FUT4: variants seen among roughly 807,000 people sequenced by gnomAD.
FUT4 encodes the protein fucosyltransferase 4.
In FUT4, 1 loss-of-function variant was observed where a neutral mutation model predicts 3.8. The observed-to-expected ratio is 0.26, with a 90% CI of 0.09 to 1.25. FUT4 has a LOEUF of 1.25. FUT4 is among the 50% of genes most tolerant of loss of function. The pLI, the probability that FUT4 is intolerant of heterozygous loss-of-function variation, is 0.47. For synonymous variants in FUT4, 417 were observed against 355.3 expected, an observed-to-expected ratio of 1.17 and a Z score of -1.95; for missense variants, 880 against 768.2, an observed-to-expected ratio of 1.15 and a Z score of -1.72.
At position 94,545,348 on chromosome 11, in the gene FUT4, C is replaced by T. The variant is rs1947848347; in HGVS notation, c.1215C>T (p.Ala405=). The change falls in exon 1 of 1, where the codon GCC becomes GCT. Residue 405 remains alanine, a synonymous_variant. Coordinates refer to ENST00000358752, the MANE Select transcript of FUT4 (RefSeq NM_002033.4). ...AAATTGGGCTCCTGCACACAGTGGCCCGCTACAAGTTCTACCTGGCTTTCG... is the reference window on the plus strand; with the variant it reads ...AAATTGGGCTCCTGCACACAGTGGCTCGCTACAAGTTCTACCTGGCTTTCG... ...VPEIGLLHTV[A]RYKFYLAFEN... 6.2e-7 allele frequency: 1 copy of T among 1,612,788 alleles called. No homozygotes were observed. The highest frequency in any genetic ancestry group is 1.7e-5 in the Admixed American group (1 of 59,972).
In FUT4 at chr11:94,546,455, C is replaced by T. The variant is rs981227650; in HGVS notation, c.*729C>T. On this transcript the variant is annotated 3_prime_UTR_variant, in exon 1 of 1. Transcript: ENST00000358752. ...TTAAATCAAGTCCCAAATTCATTGACTTAGGGGAGTTCAGTATTTAATGAA... is the reference window on the plus strand; with the variant it reads ...TTAAATCAAGTCCCAAATTCATTGATTTAGGGGAGTTCAGTATTTAATGAA... 5.9e-6 allele frequency: 1 copy of T among 170,612 alleles called. No individual in the cohort carries two copies. Among genetic ancestry groups the T allele is most frequent in the Non-Finnish European group, 1.4e-5 (1 of 70,144 alleles). The allele number at this position is 170,612 out of a possible 1,614,324, so 10.6% of individuals were successfully genotyped here.
chr11:94,544,886 G>A lies in FUT4; in HGVS notation c.753G>A (p.Pro251=), dbSNP rs1236056798. 4.4e-6 allele frequency: 7 copies of A among 1,607,654 alleles called. No homozygotes were observed. The highest frequency in any genetic ancestry group is 1.7e-5 in the Admixed American group (1 of 59,852). ...DLVKGPPDWP[P]PWGIQAHTAE... Reference sequence around the variant, plus strand: ...TGAAGGGGCCCCCCGACTGGCCCCCGCCCTGGGGCATCCAGGCGCACACTG... The same window carrying A: ...TGAAGGGGCCCCCCGACTGGCCCCCACCCTGGGGCATCCAGGCGCACACTG... Residue 251 remains proline, a synonymous_variant, in exon 1 of 1, where the codon CCG becomes CCA. Coordinates refer to ENST00000358752, the MANE Select transcript of FUT4 (RefSeq NM_002033.4).
chr11:94,544,413 C>A lies in FUT4; in HGVS notation c.280C>A (p.Arg94=). 6.5e-7 allele frequency: 1 copy of A among 1,527,186 alleles called. No homozygotes were observed. Among genetic ancestry groups the A allele is most frequent in the Non-Finnish European group, 8.7e-7 (1 of 1,145,124 alleles). 94.6% of individuals were successfully genotyped at this position (1,527,186 alleles called of 1,614,324 possible). Residue 94 remains arginine, a synonymous_variant, in exon 1 of 1, where the codon CGA becomes AGA. Transcript: ENST00000358752. ...TTCCCGGGCCAGCGGCGAGCGGCAG[C>A]GACGGCTGGAGCCGCAGCTACAGCA... ...FHSRASGERQ[R]RLEPQLQHES...
In FUT4 at chr11:94,544,393, G is replaced by T; in HGVS notation, c.260G>T (p.Arg87Leu). ...LHSGTAPFHS[R>L]ASGERQRRLE... ...TCTGGGACCGCCCCCTTCCATTCCC[G>T]GGCCAGCGGCGAGCGGCAGCGACGG... The change falls in exon 1 of 1, where the codon CGG becomes CTG. Residue 87 changes from arginine to leucine, a missense_variant. By Grantham distance (102) the Arg-to-Leu change is moderately radical (BLOSUM62 -2). This residue lies in a region of FUT4 where 447 missense variants were observed against 339.5 expected (regional missense o/e 1.32). Coordinates refer to ENST00000358752, the MANE Select transcript of FUT4 (RefSeq NM_002033.4). 1 of 1,537,036 alleles carries T rather than the reference G, an allele frequency of 6.5e-7. No individual in the cohort carries two copies. Among genetic ancestry groups the T allele is most frequent in the Non-Finnish European group, 8.7e-7 (1 of 1,149,794 alleles).
chr11:94,546,510 G>A lies in FUT4; in HGVS notation c.*784G>A, dbSNP rs2135200039. On this transcript the variant is annotated 3_prime_UTR_variant, in exon 1 of 1. Transcript: ENST00000358752. The stretch of plus-strand genomic sequence containing the variant: ...TATGGAGAATTTATCCCTTTACAAT[G>A]TGAATAGTCATCTCCTAATTTGTTT... The A allele has an allele frequency of 6.0e-6, 1 of 167,280 alleles. No homozygotes were observed. Among genetic ancestry groups the A allele is most frequent in the East Asian group, 1.9e-4 (1 of 5,184 alleles). The allele number at this position is 167,280 out of a possible 1,614,324, so 10.4% of individuals were successfully genotyped here. A position where few individuals can be genotyped will look rare whatever the true frequency, so the allele number is the denominator to read the frequency against.
Position 94,545,942 on chromosome 11 carries a change from T to G in FUT4, c.*216T>G, listed in dbSNP as rs1947857325. 2.8e-6 allele frequency: 2 copies of G among 709,908 alleles called. No individual in the cohort carries two copies. Among genetic ancestry groups the G allele is most frequent in the East Asian group, 5.5e-5 (2 of 36,082 alleles). 44.0% of individuals were successfully genotyped at this position (709,908 alleles called of 1,614,324 possible). A position where few individuals can be genotyped will look rare whatever the true frequency, so the allele number is the denominator to read the frequency against. The stretch of plus-strand genomic sequence containing the variant: ...TTGCACAGCTAGCAATTGGGCTCCC[T>G]TTGCTGCTGATGGGCATCATTGTTT... On this transcript the variant is annotated 3_prime_UTR_variant, in exon 1 of 1. Transcript: ENST00000358752.
chr11:94,545,227 A>G lies in FUT4; in HGVS notation c.1094A>G (p.Asp365Gly). ...GTGGCATGGGTGGTGAGCCACTGGG[A>G]CGAGCGCCAGGCCCGGGTCCGCTAC... ...GLVAWVVSHW[D>G]ERQARVRYYH... The change falls in exon 1 of 1, where the codon GAC (aspartate) becomes GGC (glycine). Residue 365 changes from aspartate to glycine, a missense_variant. Coordinates refer to ENST00000358752, the MANE Select transcript of FUT4 (RefSeq NM_002033.4). 6.2e-7 allele frequency: 1 copy of G among 1,610,910 alleles called. No homozygotes were observed. The highest frequency in any genetic ancestry group is 8.5e-7 in the Non-Finnish European group (1 of 1,179,804).
Position 94,545,306 on chromosome 11 carries a change from G to A in FUT4, c.1173G>A (p.Pro391=), listed in dbSNP as rs745355442. 8.7e-6 allele frequency: 14 copies of A among 1,611,990 alleles called. No individual in the cohort carries two copies. Among genetic ancestry groups the A allele is most frequent in the Middle Eastern group, 1.6e-4 (1 of 6,082 alleles). ...TGGACGTGTTCGGCCGGGGCGGGCCGGGGCAGCCGGTGCCCGAAATTGGGC... is the reference window on the plus strand; with the variant it reads ...TGGACGTGTTCGGCCGGGGCGGGCCAGGGCAGCCGGTGCCCGAAATTGGGC... ...VTVDVFGRGG[P]GQPVPEIGLL... The change falls in exon 1 of 1, where the codon CCG becomes CCA. Residue 391 remains proline (P), a synonymous_variant. Coordinates refer to ENST00000358752, the MANE Select transcript of FUT4 (RefSeq NM_002033.4).
Position 94,544,868 on chromosome 11 carries a change from G to C in FUT4, c.735G>C (p.Gly245=). The change falls in exon 1 of 1, where the codon GGG becomes GGC. Residue 245 remains glycine, a synonymous_variant. Coordinates refer to ENST00000358752, the MANE Select transcript of FUT4 (RefSeq NM_002033.4). The part of the protein sequence containing the change: ...VLFHHRDLVK[G]PPDWPPPWGI... ...TCCACCACCGCGACCTCGTGAAGGG[G>C]CCCCCCGACTGGCCCCCGCCCTGGG... 1 of 1,608,634 alleles carries C rather than the reference G, an allele frequency of 6.2e-7. No individual in the cohort carries two copies. The highest frequency in any genetic ancestry group is 2.2e-5 in the East Asian group (1 of 44,820).
chr11:94,545,588 C>G lies in FUT4; in HGVS notation c.1455C>G (p.Tyr485Ter), dbSNP rs1184456498. 6.2e-7 allele frequency: 1 copy of G among 1,613,440 alleles called. No individual in the cohort carries two copies. Among genetic ancestry groups the G allele is most frequent in the African/African-American group, 1.3e-5 (1 of 74,944 alleles). The stretch of plus-strand genomic sequence containing the variant: ...GCAACCCCGCGGTCTATCGCCGCTA[C>G]TTCCACTGGCGCCGGAGCTACGCTG... Reference protein sequence around the residue: ...LDRNPAVYRRYFHWRRSYAVH... With the variant: ...LDRNPAVYRR Residue 485 changes from tyrosine to a stop codon, truncating the protein, a stop_gained, in exon 1 of 1, where the codon TAC becomes TAG. Coordinates refer to ENST00000358752, the MANE Select transcript of FUT4 (RefSeq NM_002033.4). LOFTEE classifies it high-confidence loss of function.
rs1947894387 is a variant in FUT4 at position 94,548,787 on chromosome 11, T to G, written c.*3061T>G. The G allele has an allele frequency of 6.0e-6, 1 of 167,082 alleles. No homozygotes were observed. The highest frequency in any genetic ancestry group is 1.5e-5 in the Non-Finnish European group (1 of 68,120). 10.3% of individuals were successfully genotyped at this position (167,082 alleles called of 1,614,324 possible). ...TCAAATTTATTACAAATTTAGTATT[T>G]TTAGTACTTGATGACTCTAATTACA... On this transcript the variant is annotated 3_prime_UTR_variant, in exon 1 of 1. Transcript: ENST00000358752.
In FUT4 at chr11:94,544,628, G is replaced by C. The variant is rs1436270543; in HGVS notation, c.495G>C (p.Ala165=). Reference sequence around the variant, plus strand: ...CGGCCGCCGGCTTGACGTGTACGGCGCTGATCACCTACGCTTGCTGGGGGC... The same window carrying C: ...CGGCCGCCGGCTTGACGTGTACGGCCCTGATCACCTACGCTTGCTGGGGGC... ...VLAAAGLTCT[A]LITYACWGQL... Residue 165 remains alanine, a synonymous_variant, in exon 1 of 1, where the codon GCG becomes GCC. Transcript: ENST00000358752. 6.6e-7 allele frequency: 1 copy of C among 1,504,814 alleles called. No homozygotes were observed. Among genetic ancestry groups the C allele is most frequent in the Non-Finnish European group, 8.8e-7 (1 of 1,139,784 alleles). The allele number at this position is 1,504,814 out of a possible 1,614,324, so 93.2% of individuals were successfully genotyped here. A position where few individuals can be genotyped will look rare whatever the true frequency, so the allele number is the denominator to read the frequency against.
rs1356806341 is a variant in FUT4, at chr11:94,546,222, TTTG to T, written c.*502_*504del. 1 of 305,670 alleles carries T rather than the reference TTTG, an allele frequency of 3.3e-6. No homozygotes were observed. The highest frequency in any genetic ancestry group is 6.7e-6 in the Non-Finnish European group (1 of 148,216). 18.9% of individuals were successfully genotyped at this position (305,670 alleles called of 1,614,324 possible). A position where few individuals can be genotyped will look rare whatever the true frequency, so the allele number is the denominator to read the frequency against. On this transcript the variant is annotated 3_prime_UTR_variant, in exon 1 of 1. Transcript: ENST00000358752. ...GAAGGACTGTGGCTGCAGGTGGGAC[TTTG>T]TTGTTTGGATTCCTCACAGCCTTGG...
At position 94,544,440 on chromosome 11, in the gene FUT4, G is replaced by A. The variant is rs1388969224; in HGVS notation, c.307G>A (p.Glu103Lys). Residue 103 changes from glutamate (E) to lysine (K), a missense_variant, in exon 1 of 1, where the codon GAG becomes AAG. Transcript: ENST00000358752. ...ACGGCTGGAGCCGCAGCTACAGCAT[G>A]AGAGCCGGTGCCGCTCCTCCACGCC... ...QRRLEPQLQH[E>K]SRCRSSTPAD... is the part of the protein sequence containing the mutation. 1 of 1,516,718 alleles carries A rather than the reference G, an allele frequency of 6.6e-7. No individual in the cohort carries two copies. Among genetic ancestry groups the A allele is most frequent in the South Asian group, 1.2e-5 (1 of 82,756 alleles). The allele number at this position is 1,516,718 out of a possible 1,614,324, so 94.0% of individuals were successfully genotyped here.
chr11:94,545,137 C>G lies in FUT4; in HGVS notation c.1004C>G (p.Pro335Arg), dbSNP rs754832947. ...TTTGTGCCTTATGGCTACCTCTACC[C>G]CAGAAGCCACCCCGGCGACCCGCCC... ...DVFVPYGYLYPRSHPGDPPSG... is the reference protein window; with the variant it reads ...DVFVPYGYLYRRSHPGDPPSG... Residue 335 changes from proline (P) to arginine (R), a missense_variant, in exon 1 of 1, where the codon CCC (proline) becomes CGC (arginine). Pro to Arg is a moderately radical substitution (Grantham distance 103). Around this residue, in one of 3 missense-constraint regions of FUT4, gnomAD observed 424 missense variants for 400.4 expected, o/e 1.06. Coordinates refer to ENST00000358752, the MANE Select transcript of FUT4 (RefSeq NM_002033.4). The G allele has an allele frequency of 5.6e-6, 9 of 1,611,982 alleles. No homozygotes were observed. The South Asian group carries it at 7.7e-5, about 14-fold the overall frequency.
Position 94,545,185 on chromosome 11 carries a change from C to G in FUT4, c.1052C>G (p.Ser351Cys). 6.2e-7 allele frequency: 1 copy of G among 1,611,358 alleles called. No homozygotes were observed. Among genetic ancestry groups the G allele is most frequent in the Non-Finnish European group, 8.5e-7 (1 of 1,179,822 alleles). Residue 351 changes from serine to cysteine, a missense_variant, in exon 1 of 1, where the codon TCC becomes TGC. Transcript: ENST00000358752. ...CCCTCAGGCCTGGCCCCGCCACTGT[C>G]CAGGAAACAGGGGCTGGTGGCATGG... ...DPPSGLAPPL[S>C]RKQGLVAWVV...
rs1441466488 is a variant in FUT4, at chr11:94,549,842, A to G, written c.*4116A>G. ...CATTCTTTTAACAAATCAAGTATTT[A>G]TGTACACATGTTCAGATTTTTTGAC... On this transcript the variant is annotated 3_prime_UTR_variant, in exon 1 of 1. Transcript: ENST00000358752. 1.2e-5 allele frequency: 2 copies of G among 166,508 alleles called. No homozygotes were observed. Among genetic ancestry groups the G allele is most frequent in the Admixed American group, 1.3e-4 (2 of 15,290 alleles). The allele number at this position is 166,508 out of a possible 1,614,324, so 10.3% of individuals were successfully genotyped here.
Position 94,545,688 on chromosome 11 carries a change from A to C in FUT4, c.1555A>C (p.Lys519Gln). ...QAVQRAGDRPKSIRNLASWFE... is the reference protein window; with the variant it reads ...QAVQRAGDRPQSIRNLASWFE... Reference sequence around the variant, plus strand: ...TGTACAGAGGGCTGGGGACCGGCCCAAGAGCATACGGAACTTGGCCAGCTG... The same window carrying C: ...TGTACAGAGGGCTGGGGACCGGCCCCAGAGCATACGGAACTTGGCCAGCTG... The change falls in exon 1 of 1, where the codon AAG (lysine) becomes CAG (glutamine). Residue 519 changes from lysine (K) to glutamine (Q), a missense_variant. Around this residue, in one of 3 missense-constraint regions of FUT4, gnomAD observed 424 missense variants for 400.4 expected, o/e 1.06. Coordinates refer to ENST00000358752, the MANE Select transcript of FUT4 (RefSeq NM_002033.4). 1 of 1,612,148 alleles carries C rather than the reference A, an allele frequency of 6.2e-7. No individual in the cohort carries two copies. Among genetic ancestry groups the C allele is most frequent in the Non-Finnish European group, 8.5e-7 (1 of 1,179,986 alleles).
chr11:94,545,105 G>A lies in FUT4; in HGVS notation c.972G>A (p.Ser324=), dbSNP rs1448389885. 1 of 1,612,520 alleles carries A rather than the reference G, an allele frequency of 6.2e-7. No individual in the cohort carries two copies. The highest frequency in any genetic ancestry group is 8.5e-7 in the Non-Finnish European group (1 of 1,179,794). The change falls in exon 1 of 1, where the codon TCG becomes TCA. Residue 324 remains serine, a synonymous_variant. Coordinates refer to ENST00000358752, the MANE Select transcript of FUT4 (RefSeq NM_002033.4). ...GGACGCTCTCCTACCGGGCGGACTC[G>A]GACGTCTTTGTGCCTTATGGCTACC... The part of the protein sequence containing the change: ...FNWTLSYRAD[S]DVFVPYGYLY...
Sources: gnomAD v4.1 joint callset for allele counts on GRCh38, gnomAD v4.1.1 for gene constraint, gnomAD v4.1.1 regional missense constraint, MANE v1.5 for transcripts, NCBI Gene and HGNC (gene_info 2026-07-23, HGNC 2026-07-21) for gene names.